CTSC: variants seen among roughly 807,000 people sequenced by gnomAD.
The protein encoded by CTSC is dipeptidyl peptidase 1.
A neutral mutation model predicts 40.9 loss-of-function variants in CTSC; 37 were observed. The ratio of observed to expected loss-of-function variants is 0.91; its 90% CI spans 0.70 to 1.19. The LOEUF (loss-of-function observed/expected upper bound fraction) is 1.19, where lower values mean the gene tolerates loss of function less well. Among genes scored for constraint, CTSC ranks in the 50% most tolerant of loss-of-function variants. The pLI, the probability that CTSC is intolerant of heterozygous loss-of-function variation, is 0.00. For synonymous variants in CTSC, 232 were observed against 207.4 expected (o/e 1.12, Z -1.02); for missense variants, 594 against 567.3 (o/e 1.05, Z -0.48).
At chr11:88,303,323 G>T (rs1461072349) in intron 4 of CTSC, among the ~76,000 whole-genome samples, 2 of 152,118 alleles carry the variant, frequency 1.3e-5, no homozygotes, top group Non-Finnish European at 2.9e-5. Context: ...CACAGGCTGA[G>T]GGCTCCGTCC....
chr11:88,334,970 C>G lies in CTSC; in HGVS notation c.285G>C (p.Val95=), dbSNP rs772968092. Residue 95 remains valine (V), a synonymous_variant, in exon 2 of 7, where the codon GTG becomes GTC. Coordinates refer to ENST00000227266, the MANE Select transcript of CTSC (RefSeq NM_001814.6). ...TIIYNQGFEI[V]LNDYKWFAFF... ...AGGCAAACCACTTGTAGTCATTCAA[C>G]ACAATCTCAAAGCCTTGGTTGTAAA... is the stretch of plus-strand genomic sequence containing the variant. 2 of 1,612,798 alleles carry G rather than the reference C, an allele frequency of 1.2e-6. No homozygotes were observed. The highest frequency in any genetic ancestry group is 3.3e-5 in the Admixed American group (2 of 60,012).
chr11:88,303,636 G>A (rs1042104876), intron 4 of CTSC, among the ~76,000 whole-genome samples: 1 of 152,174 alleles, frequency 6.6e-6, no homozygotes, highest in Non-Finnish European at 1.5e-5. Context: ...CAGCTATCTG[G>A]AAGCTCTCTG....
rs756462489 is a variant in CTSC, at chr11:88,309,144, A to G, written c.641+19T>C. 6.2e-7 allele frequency: 1 copy of G among 1,610,434 alleles called. No individual in the cohort carries two copies. ...CAGCATTCATATTTTTATTAATGAT[A>G]AAATGTGTGCTTGATTACCTTGGGA... On this transcript the variant is annotated intron_variant, in intron 4 of 6. Transcript: ENST00000227266.
chr11:88,329,618 T>A (rs1022934902), intron 2 of CTSC, among the ~76,000 whole-genome samples: 1 of 152,106 alleles, frequency 6.6e-6, no homozygotes, highest in South Asian at 2.1e-4. Flanking sequence ...ACAAAGTACA[T>A]AAGAGCATAA....
chr11:88,305,670 G>GA (rs1160571891), intron 4 of CTSC, among the ~76,000 whole-genome samples: 9 of 152,312 alleles, frequency 5.9e-5, no homozygotes, highest in African/African-American at 2.2e-4. Flanking sequence ...AAATGCTAGT[G>GA]AAAAATCAGG....
chr11:88,304,351 T>C (rs1937610207), intron 4 of CTSC, among the ~76,000 whole-genome samples: 1 of 152,202 alleles, frequency 6.6e-6, no homozygotes, highest in Non-Finnish European at 1.5e-5. Flanking sequence ...ATAACATTCA[T>C]ATCATTAACA....
At chr11:88,336,768 ACTAGGTT>A (rs1440981611) in intron 1 of CTSC, among the ~76,000 whole-genome samples, 2 of 151,900 alleles carry the variant, frequency 1.3e-5, no homozygotes, top group African/African-American at 4.8e-5. Context: ...CACCCCCTTC[ACTAGGTT>A]CTTTGTTCTA....
At chr11:88,332,581 G>A (rs982766861) in intron 2 of CTSC, among the ~76,000 whole-genome samples, 1 of 152,190 alleles carries the variant, frequency 6.6e-6, no homozygotes, top group Non-Finnish European at 1.5e-5. Flanking sequence ...TTATCACTTT[G>A]CAAGCTATGT....
At chr11:88,323,810 A>C (rs1489577884) in intron 2 of CTSC, 2 of 152,216 alleles carry the variant, frequency 1.3e-5, no homozygotes, top group African/African-American at 4.8e-5. Context: ...GATAGGAAGA[A>C]TCAATATCAT....
intron 4 of CTSC, among the ~76,000 whole-genome samples, chr11:88,301,841 G>A (rs1944368258): frequency 6.7e-6 from 1 of 148,250 alleles, no homozygotes; most frequent in South Asian, 2.2e-4. Flanking sequence ...CACACAGAGA[G>A]AGAACCACAG....
chr11:88,318,627 C>T (rs576722446), intron 2 of CTSC, among the ~76,000 whole-genome samples: 1 of 152,184 alleles, frequency 6.6e-6, no homozygotes, highest in East Asian at 1.9e-4. Flanking sequence ...TACAATTGGC[C>T]AGGCGCAGTG....
chr11:88,329,358 T>C (rs190474419), intron 2 of CTSC, among the ~76,000 whole-genome samples: 1 of 146,038 alleles, frequency 6.8e-6, no homozygotes, highest in South Asian at 2.2e-4. Flanking sequence ...GGCGGGCACC[T>C]GTAATCCAAT....
At chr11:88,296,961 G>A (rs1391498374) in intron 5 of CTSC, 1 of 153,494 alleles carries the variant, frequency 6.5e-6, no homozygotes, top group Non-Finnish European at 1.5e-5. Context: ...TCTAAATTAT[G>A]AAGATTAGAA....
In CTSC at chr11:88,337,709, A is replaced by T; in HGVS notation, c.-37T>A. ...CTGAGAAAAGAGGTGAAGAATTACC[A>T]GGAAGCCGAGCGCTGCGGGCTAGCG... is the stretch of plus-strand genomic sequence containing the variant. On this transcript the variant is annotated 5_prime_UTR_variant, in exon 1 of 7. Transcript: ENST00000227266. 1.3e-6 allele frequency: 2 copies of T among 1,551,934 alleles called. No individual in the cohort carries two copies. Among genetic ancestry groups the T allele is most frequent in the Non-Finnish European group, 1.7e-6 (2 of 1,147,656 alleles).
chr11:88,337,060 A>G (rs1179971209), intron 1 of CTSC, among the ~76,000 whole-genome samples: 1 of 152,188 alleles, frequency 6.6e-6, no homozygotes, highest in East Asian at 1.9e-4. Flanking sequence ...CTTTCCCACC[A>G]TCTAACAAAA....
Position 88,294,574 on chromosome 11 carries a change from T to C in CTSC, c.890-66A>G, listed in dbSNP as rs1044022126. On this transcript the variant is annotated intron_variant, in intron 6 of 6. Coordinates refer to ENST00000227266, the MANE Select transcript of CTSC (RefSeq NM_001814.6). ...AAGGATTATCCCATTTTCTATTTTT[T>C]CTTCTTTGCTCCATTATTCTTTGCA... 4.5e-6 allele frequency: 7 copies of C among 1,565,004 alleles called. No homozygotes were observed. In the East Asian group the frequency reaches 1.6e-4, roughly 35 times the overall value.
chr11:88,326,289 A>G, intron 2 of CTSC: 1 of 1,603,666 alleles, frequency 6.2e-7, no homozygotes, highest in Non-Finnish European at 8.5e-7. Flanking sequence ...TTTGCATGCA[A>G]ATAAAGACTC....
intron 2 of CTSC, among the ~76,000 whole-genome samples, chr11:88,318,115 GA>G (rs202122541): frequency 3.3e-5 from 5 of 151,046 alleles, no homozygotes; most frequent in East Asian, 3.9e-4. Flanking sequence ...TGAGGAGAGG[GA>G]AAAAAAAATT....
intron 1 of CTSC, among the ~76,000 whole-genome samples, chr11:88,336,940 T>G (rs930273299): frequency 2.0e-5 from 3 of 152,148 alleles, no homozygotes; most frequent in African/African-American, 7.2e-5. Flanking sequence ...TATTAATTTT[T>G]TAAAAAATTT....
Sources: gnomAD v4.1 joint callset for allele counts (sites outside exome capture counted in the v4.1 genomes callset) on GRCh38, gnomAD v4.1.1 for gene constraint, MANE v1.5 for transcripts, NCBI Gene and HGNC (gene_info 2026-07-23, HGNC 2026-07-21) for gene names.